CELF2: variants seen among roughly 807,000 people sequenced by gnomAD.
CELF2 encodes CUGBP Elav-like family member 2, also known as CUG triplet repeat RNA-binding protein 2.
In CELF2, 8 loss-of-function variants were observed where a neutral mutation model predicts 62.6. That is an observed-to-expected ratio of 0.13 (90% CI 0.07 to 0.23). The LOEUF (loss-of-function observed/expected upper bound fraction) is 0.23, where lower values mean the gene tolerates loss of function less well. Among genes scored for constraint, CELF2 ranks in the 10% least tolerant of loss-of-function variants. CELF2 has a pLI of 1.00. For synonymous variants in CELF2, 258 were observed against 250.0 expected, an observed-to-expected ratio of 1.03 and a Z score of -0.30; for missense variants, 333 against 671.0, an observed-to-expected ratio of 0.50 and a Z score of 5.56.
At chr10:10,667,585 T>C in the CELF2 span, among the ~76,000 whole-genome samples, 1 of 152,326 alleles carries the variant, frequency 6.6e-6, no homozygotes, top group African/African-American at 2.4e-5. Flanking sequence ...TTCAAAGAGC[T>C]CCTTTATTTT....
intron 8 of CELF2, among the ~76,000 whole-genome samples, chr10:11,279,150 G>C (rs1411148559): frequency 1.3e-5 from 2 of 152,184 alleles, no homozygotes; most frequent in Non-Finnish European, 2.9e-5. Context: ...TACTAAACCA[G>C]TTCCAGAGGT....
At chr10:11,282,571 T>C (rs1360763389) in intron 8 of CELF2, among the ~76,000 whole-genome samples, 1 of 152,248 alleles carries the variant, frequency 6.6e-6, no homozygotes, top group Non-Finnish European at 1.5e-5. Flanking sequence ...ATTGCAGTTA[T>C]TAGTCTGAGA....
At chr10:10,907,410 T>G (rs2063438318) in intron 1 of CELF2, among the ~76,000 whole-genome samples, 2 of 152,224 alleles carry the variant, frequency 1.3e-5, no homozygotes, top group Non-Finnish European at 2.9e-5. Flanking sequence ...AAAAAAAGTT[T>G]TATTACAAAT....
the CELF2 span, among the ~76,000 whole-genome samples, chr10:10,612,222 G>T: frequency 2.6e-5 from 4 of 152,152 alleles, no homozygotes; most frequent in African/African-American, 9.7e-5. Flanking sequence ...AAGCCAGTTT[G>T]CTTTATGGGA....
At chr10:10,950,202 T>A (rs2048167305) in intron 2 of CELF2, among the ~76,000 whole-genome samples, 1 of 152,214 alleles carries the variant, frequency 6.6e-6, no homozygotes, top group Non-Finnish European at 1.5e-5. Context: ...GGCCAGGGCC[T>A]GAACCGTGGT....
rs1357993248 is a variant in CELF2 at position 11,330,936 on chromosome 10, A to AT, written c.*1888dup. The AT allele has an allele frequency of 6.6e-6, 1 of 152,526 alleles. No individual in the cohort carries two copies. The highest frequency in any genetic ancestry group is 1.9e-4 in the East Asian group (1 of 5,198). 9.4% of individuals were successfully genotyped at this position (152,526 alleles called of 1,614,324 possible). On this transcript the variant is annotated 3_prime_UTR_variant, in exon 13 of 13. Transcript: ENST00000633077. The surrounding 1 kb of genome is among the most constrained non-coding windows in gnomAD (Gnocchi z 4.5). The stretch of plus-strand genomic sequence containing the variant: ...TCTAGAGGTCTGTAATAGTTTTTAC[A>AT]TTTTTCAGGCAGTGTAAAGTTTTTT...
chr10:10,530,387 T>C, the CELF2 span, among the ~76,000 whole-genome samples: 4 of 152,234 alleles, frequency 2.6e-5, no homozygotes, highest in Admixed American at 1.3e-4. Context: ...TAGGAATGTT[T>C]TTGTTGTCAA....
intron 1 of CELF2, among the ~76,000 whole-genome samples, chr10:11,162,303 T>C (rs2065908895): frequency 6.6e-6 from 1 of 151,646 alleles, no homozygotes; most frequent in Non-Finnish European, 1.5e-5. Flanking sequence ...AGGAGAGAGG[T>C]TGGTGGGACA....
the CELF2 span, among the ~76,000 whole-genome samples, chr10:10,671,242 T>C: frequency 6.7e-6 from 1 of 149,234 alleles, no homozygotes; most frequent in Non-Finnish European, 1.5e-5. Context: ...CTAAATTTTC[T>C]CCATCTCCTT....
At chr10:10,975,073 G>T (rs1271783244) in intron 2 of CELF2, among the ~76,000 whole-genome samples, 1 of 152,174 alleles carries the variant, frequency 6.6e-6, no homozygotes, top group Non-Finnish European at 1.5e-5. Context: ...GATAGTCCTG[G>T]TGTCAAATGC....
chr10:10,653,309 G>T, the CELF2 span, among the ~76,000 whole-genome samples: 23,157 of 149,302 alleles, frequency 0.16, 1,913 homozygotes, highest in South Asian at 0.23. Flanking sequence ...ACAGATCAAC[G>T]AGACAGAAAG....
At chr10:10,533,151 A>T in the CELF2 span, among the ~76,000 whole-genome samples, 1 of 152,224 alleles carries the variant, frequency 6.6e-6, no homozygotes. Flanking sequence ...ACCTGAAATT[A>T]ATTAGAGTAC....
intron 1 of CELF2, among the ~76,000 whole-genome samples, chr10:10,916,729 C>T (rs2064364342): frequency 6.6e-6 from 1 of 152,188 alleles, no homozygotes; most frequent in African/African-American, 2.4e-5. Flanking sequence ...TCTCCTGCCT[C>T]AGCCTCCCGA....
Position 11,302,852 on chromosome 10 carries a change from C to T in CELF2, c.977-11287C>T, listed in dbSNP as rs959551481. ...GGAAGTTGGAGCCTTCACCAGAGTT[C>T]TGCCTGGAAGCATTAGAATCCTGCC... is the stretch of plus-strand genomic sequence containing the variant. On this transcript the variant is annotated intron_variant, in intron 9 of 12. Transcript: ENST00000633077. The surrounding 1 kb of genome is among the most constrained non-coding windows in gnomAD (Gnocchi z 5.0). 2.6e-5 allele frequency among the ~76,000 whole-genome samples: 4 copies of T among 152,182 alleles called. No homozygotes were observed. The highest frequency in any genetic ancestry group is 2.9e-5 in the Non-Finnish European group (2 of 68,028).
At chr10:10,551,138 C>G in the CELF2 span, among the ~76,000 whole-genome samples, 81 of 152,176 alleles carry the variant, frequency 5.3e-4, no homozygotes, top group African/African-American at 1.9e-3. Flanking sequence ...ACAGCTCACA[C>G]CTTAGTTACA....
At chr10:11,141,569 C>T (rs918446732) in intron 1 of CELF2, among the ~76,000 whole-genome samples, 3 of 152,208 alleles carry the variant, frequency 2.0e-5, no homozygotes, top group African/African-American at 4.8e-5. Context: ...AAGTGGAAAA[C>T]ACATTTGTGT....
chr10:10,587,398 C>T, the CELF2 span, among the ~76,000 whole-genome samples: 7 of 152,122 alleles, frequency 4.6e-5, no homozygotes, highest in East Asian at 7.7e-4. Context: ...TAGCACATCT[C>T]GGTAGGATCC....
the CELF2 span, among the ~76,000 whole-genome samples, chr10:10,525,370 AT>A: frequency 4.6e-5 from 7 of 151,292 alleles, 1 homozygote; most frequent in South Asian, 4.2e-4. Context: ...TTTTTTTGCA[AT>A]TTTTTTTTAG....
intron 1 of CELF2, among the ~76,000 whole-genome samples, chr10:10,851,118 A>G (rs1435295158): frequency 6.6e-6 from 1 of 152,138 alleles, no homozygotes; most frequent in Non-Finnish European, 1.5e-5. Flanking sequence ...AAACTGAGAC[A>G]TAGGTATTTT....
Sources: gnomAD v4.1 joint callset for allele counts (sites outside exome capture counted in the v4.1 genomes callset) on GRCh38, gnomAD v4.1.1 for gene constraint, Gnocchi (gnomAD v3.1) non-coding constraint, MANE v1.5 for transcripts, NCBI Gene and HGNC (gene_info 2026-07-23, HGNC 2026-07-21) for gene names.